Variants in CSNK1G2 observed in about 807,000 individuals in gnomAD.
CSNK1G2 encodes the protein casein kinase 1 gamma 2.
CSNK1G2 carries 11 observed loss-of-function variants against 48.0 expected under a neutral mutation model. The observed-to-expected ratio is 0.23, with a 90% CI of 0.14 to 0.38. The LOEUF is 0.38. Among genes scored for constraint, CSNK1G2 ranks in the 10% least tolerant of loss-of-function variants. The pLI is 1.00. For synonymous variants in CSNK1G2, 337 were observed against 254.1 expected (o/e 1.33, Z -3.10); for missense variants, 446 against 595.5 (o/e 0.75, Z 2.61).
Position 1,978,062 on chromosome 19 carries a change from G to A in CSNK1G2, c.188-243G>A, listed in dbSNP as rs1289932851. On this transcript the variant is annotated intron_variant, in intron 2 of 11. Transcript: ENST00000255641. This position sits in a 1 kb window ranked among gnomAD's most constrained non-coding sequence, Gnocchi z 7.3. ...GGGCTAGGGAGGTGGGGGGGCGGGG[G>A]AGGAGGAGTGGCAGACACTGAGGCG... is the stretch of plus-strand genomic sequence containing the variant. 6.7e-6 allele frequency among the ~76,000 whole-genome samples: 1 copy of A among 148,842 alleles called. No homozygotes were observed. Among genetic ancestry groups the A allele is most frequent in the Non-Finnish European group, 1.5e-5 (1 of 67,062 alleles).
In CSNK1G2 at chr19:1,973,539, G is replaced by A. The variant is rs115533109; in HGVS notation, c.187+3580G>A. Among the ~76,000 whole-genome samples, 527 of 152,324 alleles carry A rather than the reference G, an allele frequency of 3.5e-3. 2 individuals carry two copies. Among genetic ancestry groups the A allele is most frequent in the African/African-American group, 0.012 (492 of 41,570 alleles). ...TCTCATTCCTGGGTTCTGGTTCTGCGTGTGACAGGAGTGCTTGGCCCTGTC... is the reference window on the plus strand; with the variant it reads ...TCTCATTCCTGGGTTCTGGTTCTGCATGTGACAGGAGTGCTTGGCCCTGTC... On this transcript the variant is annotated intron_variant, in intron 2 of 11. Coordinates refer to ENST00000255641, the MANE Select transcript of CSNK1G2 (RefSeq NM_001319.7).
At chr19:1,964,620 A>G (rs2015306420) in intron 1 of CSNK1G2, among the ~76,000 whole-genome samples, 1 of 152,160 alleles carries the variant, frequency 6.6e-6, no homozygotes, top group African/African-American at 2.4e-5. Context: ...TCTGTGCTCT[A>G]TAAATAGAAC....
intron 1 of CSNK1G2, among the ~76,000 whole-genome samples, chr19:1,967,505 T>TC (rs1599314903): frequency 8.4e-6 from 1 of 118,622 alleles, no homozygotes; most frequent in East Asian, 2.5e-4. Context: ...CCCGGCAGGA[T>TC]CTGTGCAGAC....
intron 1 of CSNK1G2, among the ~76,000 whole-genome samples, chr19:1,967,808 C>CTCCTCT: frequency 1.8e-5 from 1 of 54,922 alleles, no homozygotes; most frequent in African/African-American, 1.1e-4. Flanking sequence ...TCCCTCCTCC[C>CTCCTCT]CAGGCTGCCC....
intron 2 of CSNK1G2, among the ~76,000 whole-genome samples, chr19:1,976,921 T>C (rs746249189): frequency 2.6e-5 from 4 of 152,098 alleles, no homozygotes; most frequent in Non-Finnish European, 4.4e-5. Flanking sequence ...GTATTTTTAG[T>C]AGAGATGGGG....
At chr19:1,950,739 C>T (rs967569380) in intron 1 of CSNK1G2, among the ~76,000 whole-genome samples, 1 of 145,426 alleles carries the variant, frequency 6.9e-6, no homozygotes, top group East Asian at 2.1e-4. Flanking sequence ...CACCAGCACC[C>T]GTCCCCCTGC....
intron 2 of CSNK1G2, among the ~76,000 whole-genome samples, chr19:1,970,443 G>T (rs374936272): frequency 1.3e-5 from 2 of 152,228 alleles, no homozygotes; most frequent in Non-Finnish European, 2.9e-5. Flanking sequence ...GTAAAAGGCC[G>T]CACCTGGCCC....
chr19:1,972,625 T>C (rs1461484655), intron 2 of CSNK1G2, among the ~76,000 whole-genome samples: 1 of 152,148 alleles, frequency 6.6e-6, no homozygotes, highest in South Asian at 2.1e-4. Context: ...CTTTGCTTTG[T>C]TTTGTTTTGT....
At chr19:1,946,062 G>C (rs899349961) in intron 1 of CSNK1G2, among the ~76,000 whole-genome samples, 1 of 152,072 alleles carries the variant, frequency 6.6e-6, no homozygotes, top group Non-Finnish European at 1.5e-5. Flanking sequence ...GAGGCCACGC[G>C]TATGTTCCCG....
chr19:1,947,777 T>C (rs744385), intron 1 of CSNK1G2, among the ~76,000 whole-genome samples: 120,430 of 152,220 alleles, frequency 0.79, 47,926 homozygotes, highest in Non-Finnish European at 0.83. Context: ...GTGTGCGTGC[T>C]GTGCCATCAC....
At chr19:1,947,797 G>A (rs2014616439) in intron 1 of CSNK1G2, among the ~76,000 whole-genome samples, 1 of 152,214 alleles carries the variant, frequency 6.6e-6, no homozygotes, top group South Asian at 2.1e-4. Flanking sequence ...CGCTGGTCAG[G>A]CCTGTACGCC....
Position 1,980,132 on chromosome 19 carries a change from G to A in CSNK1G2, c.1194-17G>A, listed in dbSNP as rs2015931597. 6.2e-7 allele frequency: 1 copy of A among 1,612,706 alleles called. No individual in the cohort carries two copies. The highest frequency in any genetic ancestry group is 1.3e-5 in the African/African-American group (1 of 74,924). The stretch of plus-strand genomic sequence containing the variant: ...CCTGCACCCCGGTCCTCCTACCTGA[G>A]CCACTGCCCTCCTCAGATGCTGCTG... On this transcript the variant is annotated splice_polypyrimidine_tract_variant and intron_variant, in intron 11 of 11. Coordinates refer to ENST00000255641, the MANE Select transcript of CSNK1G2 (RefSeq NM_001319.7).
intron 1 of CSNK1G2, among the ~76,000 whole-genome samples, chr19:1,949,181 C>G (rs909339697): frequency 1.1e-4 from 16 of 152,204 alleles, no homozygotes; most frequent in Non-Finnish European, 2.2e-4. Flanking sequence ...ACCTGTAATT[C>G]CAGAGTGTTC....
intron 1 of CSNK1G2, among the ~76,000 whole-genome samples, chr19:1,961,949 AAC>A (rs2015213132): frequency 6.6e-6 from 1 of 152,190 alleles, no homozygotes; most frequent in Non-Finnish European, 1.5e-5. Context: ...GTCCAGCATC[AAC>A]ACAGCACTGC....
intron 1 of CSNK1G2, among the ~76,000 whole-genome samples, chr19:1,943,819 C>T (rs567099083): frequency 6.6e-6 from 1 of 152,366 alleles, no homozygotes; most frequent in East Asian, 1.9e-4. Flanking sequence ...TCTGCACCCC[C>T]CACCGAGCTG....
chr19:1,952,243 G>A lies in CSNK1G2; in HGVS notation c.-266+10825G>A, dbSNP rs186280489. On this transcript the variant is annotated intron_variant, in intron 1 of 11. Transcript: ENST00000255641. ...GGGCCCAGGGGGCAGAAGCTAGTGC[G>A]CCGATAGCGTGTGTCATCTGCGGCC... Among the ~76,000 whole-genome samples the A allele has an allele frequency of 1.6e-4, 24 of 152,374 alleles. No homozygotes were observed. The East Asian group carries it at 3.5e-3, about 22-fold the overall frequency.
intron 1 of CSNK1G2, among the ~76,000 whole-genome samples, chr19:1,959,473 C>T (rs1197755074): frequency 6.7e-6 from 1 of 150,116 alleles, no homozygotes; most frequent in Non-Finnish European, 1.5e-5. Context: ...CCCCCAGCAC[C>T]CGCCCCACCT....
At chr19:1,963,815 A>AT (rs1163885585) in intron 1 of CSNK1G2, among the ~76,000 whole-genome samples, 46,308 of 127,318 alleles carry the variant, frequency 0.36, 8,495 homozygotes, top group East Asian at 0.52. Context: ...GCCTCTACAA[A>AT]TTTTTTTTTT....
At position 1,980,643 on chromosome 19, in the gene CSNK1G2, G is replaced by A. The variant is rs2015957035; in HGVS notation, c.*440G>A. On this transcript the variant is annotated 3_prime_UTR_variant, in exon 12 of 12. Transcript: ENST00000255641. ...TCGATCCAAAGGCCGTTTTCTCGAG[G>A]GGAGGGCAGGCCCGGCCTGGAGGGG... is the stretch of plus-strand genomic sequence containing the variant. The A allele has an allele frequency of 4.5e-6, 1 of 222,508 alleles. No homozygotes were observed. Among genetic ancestry groups the A allele is most frequent in the Admixed American group, 5.4e-5 (1 of 18,386 alleles). 13.8% of individuals were successfully genotyped at this position (222,508 alleles called of 1,614,324 possible). A position where few individuals can be genotyped will look rare whatever the true frequency, so the allele number is the denominator to read the frequency against.
Sources: gnomAD v4.1 joint callset for allele counts (sites outside exome capture counted in the v4.1 genomes callset) on GRCh38, gnomAD v4.1.1 for gene constraint, Gnocchi (gnomAD v3.1) non-coding constraint, MANE v1.5 for transcripts, NCBI Gene and HGNC (gene_info 2026-07-23, HGNC 2026-07-21) for gene names.